ARGFX: variants seen among roughly 807,000 people sequenced by gnomAD.
The protein encoded by ARGFX is arginine-fifty homeobox.
A neutral mutation model predicts 8.0 loss-of-function variants in ARGFX; 10 were observed. The ratio of observed to expected loss-of-function variants is 1.25; its 90% CI spans 0.77 to 2.12. The LOEUF (loss-of-function observed/expected upper bound fraction) is 2.12. Ranked by LOEUF, ARGFX falls within the 30% of genes most tolerant of loss-of-function variation. ARGFX has a pLI of 0.00. For synonymous variants in ARGFX, 116 were observed against 117.8 expected, an observed-to-expected ratio of 0.98 and a Z score of 0.10; for missense variants, 282 against 324.3, an observed-to-expected ratio of 0.87 and a Z score of 1.00.
intron 3 of ARGFX, among the ~76,000 whole-genome samples, chr3:121,580,035 C>T (rs2048768882): frequency 6.8e-6 from 1 of 146,100 alleles, no homozygotes; most frequent in Non-Finnish European, 1.5e-5. Flanking sequence ...TTACTGCAGC[C>T]TCAACCTCCC....
chr3:121,583,140 G>C (rs556597253), intron 3 of ARGFX, among the ~76,000 whole-genome samples: 1 of 144,584 alleles, frequency 6.9e-6, no homozygotes, highest in Admixed American at 7.2e-5. Flanking sequence ...AGCAATTCTC[G>C]TGCCTCAGCC....
intron 3 of ARGFX, among the ~76,000 whole-genome samples, chr3:121,580,078 G>A (rs577002003): frequency 2.1e-4 from 32 of 149,386 alleles, no homozygotes; most frequent in African/African-American, 6.7e-4. Context: ...TCAGCCTCCC[G>A]AGTAGCTGGG....
At chr3:121,569,633 T>C (rs2048695857) in intron 1 of ARGFX, among the ~76,000 whole-genome samples, 2 of 152,330 alleles carry the variant, frequency 1.3e-5, no homozygotes, top group South Asian at 4.1e-4. Flanking sequence ...TTCAAAGTGC[T>C]GAGATTACAG....
intron 3 of ARGFX, among the ~76,000 whole-genome samples, chr3:121,579,667 C>G (rs1005833498): frequency 1.3e-5 from 2 of 152,096 alleles, no homozygotes; most frequent in African/African-American, 2.4e-5. Context: ...GTATGTTGGT[C>G]ATATTTGATT....
chr3:121,580,476 C>T (rs9836169), intron 3 of ARGFX, among the ~76,000 whole-genome samples: 35,754 of 151,494 alleles, frequency 0.24, 4,895 homozygotes, highest in Admixed American at 0.4. Flanking sequence ...ATTCTACTGC[C>T]TCTCTGAGGT....
chr3:121,588,192 G>T lies in ARGFX; in HGVS notation c.*1592G>T, dbSNP rs374449236. Among the ~76,000 whole-genome samples, 3 of 151,732 alleles carry T rather than the reference G, an allele frequency of 2.0e-5. No homozygotes were observed. Among genetic ancestry groups the T allele is most frequent in the African/African-American group, 7.3e-5 (3 of 41,352 alleles). Reference sequence around the variant, plus strand: ...AGTAATAAAGAAACATAAGGGCTGGGGGTGGTGGCTCATGCCTGTAATCCC... The same window carrying T: ...AGTAATAAAGAAACATAAGGGCTGGTGGTGGTGGCTCATGCCTGTAATCCC... On this transcript the variant is annotated 3_prime_UTR_variant, in exon 5 of 5. Transcript: ENST00000334384.
chr3:121,571,467 A>T (rs1189157882), intron 2 of ARGFX, among the ~76,000 whole-genome samples: 1 of 152,034 alleles, frequency 6.6e-6, no homozygotes, highest in Non-Finnish European at 1.5e-5. Flanking sequence ...AGGATGTGAA[A>T]GACTTGTCCA....
chr3:121,586,179 A>C lies in ARGFX; in HGVS notation c.527A>C (p.Tyr176Ser). The change falls in exon 5 of 5, where the codon TAC becomes TCC. Residue 176 changes from tyrosine (Y) to serine (S), a missense_variant. Tyr to Ser is a moderately radical substitution (Grantham distance 144). Transcript: ENST00000334384. ...YAFSPVISDFYSSLPSQPLDP... is the reference protein window; with the variant it reads ...YAFSPVISDFSSSLPSQPLDP... ...TTTTCTCCTGTGATTTCAGATTTCTACAGCTCCCTTCCATCTCAGCCCTTA... is the reference window on the plus strand; with the variant it reads ...TTTTCTCCTGTGATTTCAGATTTCTCCAGCTCCCTTCCATCTCAGCCCTTA... The C allele has an allele frequency of 6.2e-7, 1 of 1,613,958 alleles. No individual in the cohort carries two copies.
rs140638488 is a variant in ARGFX at position 121,575,057 on chromosome 3, C to T, written c.104-1727C>T. ...AAGCCAGGCCAGGTGCAGTAGCTCA[C>T]GCCTGTAATCTCGGCACTTTGGGAG... On this transcript the variant is annotated intron_variant, in intron 2 of 4. Coordinates refer to ENST00000334384, the MANE Select transcript of ARGFX (RefSeq NM_001012659.2). Among the ~76,000 whole-genome samples the T allele has an allele frequency of 8.9e-3, 1,351 of 152,260 alleles. 26 individuals are homozygous for T. The highest frequency in any genetic ancestry group is 0.03 in the African/African-American group (1,263 of 41,554).
At chr3:121,582,304 A>C (rs2048784507) in intron 3 of ARGFX, among the ~76,000 whole-genome samples, 1 of 152,220 alleles carries the variant, frequency 6.6e-6, no homozygotes, top group Admixed American at 6.5e-5. Flanking sequence ...ATTGTATCAC[A>C]AACTACTTAT....
intron 3 of ARGFX, among the ~76,000 whole-genome samples, chr3:121,584,258 G>T (rs1576444858): frequency 7.1e-6 from 1 of 139,864 alleles, no homozygotes; most frequent in African/African-American, 2.6e-5. Flanking sequence ...AAGGAAGGAA[G>T]GAAGGAAGGA....
chr3:121,581,625 G>A (rs1213926318), intron 3 of ARGFX, among the ~76,000 whole-genome samples: 1 of 151,972 alleles, frequency 6.6e-6, no homozygotes, highest in Admixed American at 6.6e-5. Flanking sequence ...AAAATTACAG[G>A]CACAGTGGCT....
intron 2 of ARGFX, among the ~76,000 whole-genome samples, chr3:121,571,738 T>A (rs1429243373): frequency 1.4e-5 from 2 of 145,088 alleles, no homozygotes; most frequent in African/African-American, 5.1e-5. Context: ...AAATTTTTTT[T>A]TTTTTTTTTT....
chr3:121,584,692 A>G (rs529665404), intron 3 of ARGFX, among the ~76,000 whole-genome samples: 31 of 152,344 alleles, frequency 2.0e-4, no homozygotes, highest in African/African-American at 6.0e-4. Context: ...CTCATGTCCT[A>G]TCAGAGACAA....
chr3:121,570,367 T>C (rs1043655524), intron 1 of ARGFX, among the ~76,000 whole-genome samples: 6 of 152,244 alleles, frequency 3.9e-5, no homozygotes, highest in Admixed American at 3.9e-4. Context: ...CTGTCTTTGT[T>C]TCTGATGAGA....
intron 2 of ARGFX, among the ~76,000 whole-genome samples, chr3:121,575,386 C>T (rs2048730363): frequency 6.6e-6 from 1 of 152,028 alleles, no homozygotes; most frequent in South Asian, 2.1e-4. Flanking sequence ...TGGCTGGCAT[C>T]TCTTGCATGC....
Position 121,588,331 on chromosome 3 carries a change from A to G in ARGFX, c.*1731A>G, listed in dbSNP as rs1474185893. ...AAATACAAAAAAAAAAAAAAAAAAA[A>G]GCCAGGCATGGTGGCACACACCTGT... On this transcript the variant is annotated 3_prime_UTR_variant, in exon 5 of 5. Coordinates refer to ENST00000334384, the MANE Select transcript of ARGFX (RefSeq NM_001012659.2). 1.4e-5 allele frequency among the ~76,000 whole-genome samples: 2 copies of G among 143,266 alleles called. No individual in the cohort carries two copies. Among genetic ancestry groups the G allele is most frequent in the African/African-American group, 2.7e-5 (1 of 37,442 alleles). The allele number at this position is 143,266 out of a possible 152,430, so 94.0% of individuals were successfully genotyped here.
intron 2 of ARGFX, among the ~76,000 whole-genome samples, chr3:121,574,295 G>A (rs890125223): frequency 1.3e-5 from 2 of 152,146 alleles, no homozygotes; most frequent in African/African-American, 2.4e-5. Context: ...CGGACTGGTT[G>A]GGGGGCTGAT....
chr3:121,578,913 G>A (rs998713562), intron 3 of ARGFX, among the ~76,000 whole-genome samples: 22 of 151,024 alleles, frequency 1.5e-4, no homozygotes, highest in African/African-American at 2.4e-4. Context: ...TCCTGACCTC[G>A]TGATCCACCT....
Sources: allele counts gnomAD v4.1 joint callset (sites outside exome capture counted in the v4.1 genomes callset), GRCh38; gene constraint gnomAD v4.1.1; transcripts MANE v1.5; gene names NCBI Gene and HGNC (gene_info 2026-07-23, HGNC 2026-07-21).